The following KCNQ1 variants were observed in gnomAD, a reference collection of about 807,000 sequenced individuals.
KCNQ1 encodes the protein potassium voltage-gated channel subfamily KQT member 1.
Under a neutral mutation model 72.4 loss-of-function variants are expected in KCNQ1, and 49 were observed. The ratio of observed to expected loss-of-function variants is 0.68; its 90% confidence interval spans 0.54 to 0.86. The LOEUF is 0.86. KCNQ1 is among the 40% of genes least tolerant of loss of function. The pLI is 0.00. For missense variants in KCNQ1, 790 were observed against 945.1 expected, an observed-to-expected ratio of 0.84 and a Z score of 2.15; for synonymous variants, 450 against 412.6, an observed-to-expected ratio of 1.09 and a Z score of -1.10.
At chr11:2,504,145 C>T (rs1389957974) in intron 1 of KCNQ1, among the ~76,000 whole-genome samples, 1 of 152,064 alleles carries the variant, frequency 6.6e-6, no homozygotes, top group Non-Finnish European at 1.5e-5. Flanking sequence ...TACTAGTTAG[C>T]CATGAAAAAG....
At chr11:2,758,478 C>T (rs897827943) in intron 11 of KCNQ1, among the ~76,000 whole-genome samples, 1 of 152,114 alleles carries the variant, frequency 6.6e-6, no homozygotes, top group Non-Finnish European at 1.5e-5. Context: ...ATGCAGCACT[C>T]GGGGAAAATA....
Position 2,549,915 on chromosome 11 carries a change from G to A in KCNQ1, c.478-20713G>A, listed in dbSNP as rs1015796344. Among the ~76,000 whole-genome samples the A allele has an allele frequency of 4.6e-5, 7 of 152,084 alleles. No homozygotes were observed. Among genetic ancestry groups the A allele is most frequent in the African/African-American group, 1.4e-4 (6 of 41,406 alleles). On this transcript the variant is annotated intron_variant, in intron 2 of 15. Transcript: ENST00000155840. This position sits in a 1 kb window ranked among gnomAD's most constrained non-coding sequence, Gnocchi z 6.2. ...TGGGGGTTCCGGCTCCTTGCCCACC[G>A]CCCCCGCCACCCAGCGCGAGCCGCG...
chr11:2,795,158 G>A (rs115950318), intron 15 of KCNQ1, among the ~76,000 whole-genome samples: 3,953 of 152,310 alleles, frequency 0.026, 175 homozygotes, highest in African/African-American at 0.089. Context: ...CTTCCGCTGC[G>A]TCAGTCTCCG....
intron 1 of KCNQ1, among the ~76,000 whole-genome samples, chr11:2,517,984 A>G (rs1371956226): frequency 6.6e-6 from 1 of 152,242 alleles, no homozygotes; most frequent in Non-Finnish European, 1.5e-5. Context: ...TAAGGAGCCT[A>G]ACTCACTTCC....
Position 2,475,653 on chromosome 11 carries a change from C to T in KCNQ1, c.386+30169C>T, listed in dbSNP as rs993800912. ...GCTGTAACTTTCATGAAGACAGTGA[C>T]GTGGTTTGTCACTGCCCGGATCTCA... On this transcript the variant is annotated intron_variant, in intron 1 of 15. Coordinates refer to ENST00000155840, the MANE Select transcript of KCNQ1 (RefSeq NM_000218.3). The surrounding 1 kb of genome is among the most constrained non-coding windows in gnomAD (Gnocchi z 5.8). Among the ~76,000 whole-genome samples, 6 of 152,154 alleles carry T rather than the reference C, an allele frequency of 3.9e-5. No individual in the cohort carries two copies. Among genetic ancestry groups the T allele is most frequent in the Admixed American group, 6.5e-5 (1 of 15,278 alleles).
At position 2,608,161 on chromosome 11, in the gene KCNQ1, T is replaced by C. The variant is rs1236039447; in HGVS notation, c.1393+19307T>C. On this transcript the variant is annotated intron_variant, in intron 10 of 15. Coordinates refer to ENST00000155840, the MANE Select transcript of KCNQ1 (RefSeq NM_000218.3). This position sits in a 1 kb window ranked among gnomAD's most constrained non-coding sequence, Gnocchi z 4.6. The stretch of plus-strand genomic sequence containing the variant: ...TGTATTGGAAAAATTTTCCTTCTCT[T>C]CTATTTTTTTGTTGTTGGAAGAGGT... Among the ~76,000 whole-genome samples, 2 of 152,204 alleles carry C rather than the reference T, an allele frequency of 1.3e-5. No individual in the cohort carries two copies. The highest frequency in any genetic ancestry group is 4.8e-5 in the African/African-American group (2 of 41,442).
At chr11:2,467,695 C>A (rs966714546) in intron 1 of KCNQ1, among the ~76,000 whole-genome samples, 2 of 152,216 alleles carry the variant, frequency 1.3e-5, no homozygotes, top group African/African-American at 4.8e-5. Flanking sequence ...CTGCCCCCCA[C>A]GTCAATGCCT....
In KCNQ1 at chr11:2,848,246, C is replaced by T. The variant is rs1388860786; in HGVS notation, c.*243C>T. The T allele has an allele frequency of 1.5e-5, 10 of 649,434 alleles. No individual in the cohort carries two copies. Among genetic ancestry groups the T allele is most frequent in the South Asian group, 1.7e-5 (1 of 60,300 alleles). 40.2% of individuals were successfully genotyped at this position (649,434 alleles called of 1,614,324 possible). A position where few individuals can be genotyped will look rare whatever the true frequency, so the allele number is the denominator to read the frequency against. On this transcript the variant is annotated 3_prime_UTR_variant, in exon 16 of 16. Transcript: ENST00000155840. ...AGGTCTGAGTTGTTACCCCAAGCGCCCTGGCCCCCACATGGTGATGTTGAC... is the reference window on the plus strand; with the variant it reads ...AGGTCTGAGTTGTTACCCCAAGCGCTCTGGCCCCCACATGGTGATGTTGAC...
intron 11 of KCNQ1, chr11:2,667,467 T>C: frequency 2.5e-6 from 1 of 398,564 alleles, no homozygotes; most frequent in Non-Finnish European, 4.4e-6. Flanking sequence ...GCAGATGGTG[T>C]TGGAGGATGT....
intron 10 of KCNQ1, chr11:2,648,548 A>G (rs911888212): frequency 2.5e-6 from 1 of 398,512 alleles, no homozygotes; most frequent in Middle Eastern, 6.3e-4. Flanking sequence ...ATTCAGGAAC[A>G]TGTAGTTTGA....
rs759878927 is a variant in KCNQ1, at chr11:2,659,207, T to C, written c.1394-2754T>C. The C allele has an allele frequency of 2.5e-6, 1 of 398,636 alleles. No homozygotes were observed. Among genetic ancestry groups the C allele is most frequent in the African/African-American group, 2.1e-5 (1 of 48,748 alleles). 24.7% of individuals were successfully genotyped at this position (398,636 alleles called of 1,614,324 possible). A position where few individuals can be genotyped will look rare whatever the true frequency, so the allele number is the denominator to read the frequency against. ...GTCATGTGTCCACAATCCAGTATCA[T>C]TCACAGAAGTTCCATACCCCTAAAA... On this transcript the variant is annotated intron_variant, in intron 10 of 15. Coordinates refer to ENST00000155840, the MANE Select transcript of KCNQ1 (RefSeq NM_000218.3). The surrounding 1 kb of genome is among the most constrained non-coding windows in gnomAD (Gnocchi z 4.3).
intron 1 of KCNQ1, among the ~76,000 whole-genome samples, chr11:2,510,476 T>C (rs1393950415): frequency 6.6e-6 from 1 of 150,622 alleles, no homozygotes; most frequent in African/African-American, 2.4e-5. Flanking sequence ...GTGTGGTGGC[T>C]CACATCTGTA....
intron 10 of KCNQ1, chr11:2,609,227 A>G (rs1848934504): frequency 2.5e-6 from 1 of 398,090 alleles, no homozygotes; most frequent in South Asian, 1.3e-4. Flanking sequence ...TTGTATCTTC[A>G]TTTTCATTAA....
At chr11:2,461,762 G>A (rs781721731) in intron 1 of KCNQ1, 23 of 1,348,424 alleles carry the variant, frequency 1.7e-5, no homozygotes, top group Non-Finnish European at 2.3e-5. Context: ...GGATGGGCAG[G>A]TGGATGGGGG....
chr11:2,506,732 G>A (rs1207195744), intron 1 of KCNQ1, among the ~76,000 whole-genome samples: 3 of 152,190 alleles, frequency 2.0e-5, no homozygotes, highest in Non-Finnish European at 2.9e-5. Flanking sequence ...TGAGCATACC[G>A]GTTTTTTCTA....
chr11:2,673,684 T>C lies in KCNQ1; in HGVS notation c.1514+11603T>C. 1 of 398,624 alleles carries C rather than the reference T, an allele frequency of 2.5e-6. No individual in the cohort carries two copies. The highest frequency in any genetic ancestry group is 1.3e-4 in the South Asian group (1 of 7,856). 24.7% of individuals were successfully genotyped at this position (398,624 alleles called of 1,614,324 possible). On this transcript the variant is annotated intron_variant, in intron 11 of 15. Transcript: ENST00000155840. The surrounding 1 kb of genome is among the most constrained non-coding windows in gnomAD (Gnocchi z 4.5). ...GTCTGCATAGGTGTTTTCCTATAAATGTTTAATTCCTGAGGTTGCTGAATC... is the reference window on the plus strand; with the variant it reads ...GTCTGCATAGGTGTTTTCCTATAAACGTTTAATTCCTGAGGTTGCTGAATC...
At chr11:2,832,576 C>A (rs1350698256) in intron 15 of KCNQ1, among the ~76,000 whole-genome samples, 2 of 152,198 alleles carry the variant, frequency 1.3e-5, no homozygotes, top group East Asian at 3.8e-4. Flanking sequence ...TCAGGAGAGC[C>A]AGTGCAGGCA....
chr11:2,568,451 T>A (rs1420904832), intron 2 of KCNQ1, among the ~76,000 whole-genome samples: 1 of 152,186 alleles, frequency 6.6e-6, no homozygotes, highest in African/African-American at 2.4e-5. Context: ...ATGGGCACCC[T>A]GTCTCAGCTC....
chr11:2,744,976 C>G (rs1484959779), intron 11 of KCNQ1, among the ~76,000 whole-genome samples: 1 of 152,056 alleles, frequency 6.6e-6, no homozygotes, highest in Admixed American at 6.6e-5. Flanking sequence ...GATCGGGGCT[C>G]CCTCTTTGCA....
Sources: gnomAD v4.1 joint callset for allele counts (sites outside exome capture counted in the v4.1 genomes callset) on GRCh38, gnomAD v4.1.1 for gene constraint, Gnocchi (gnomAD v3.1) non-coding constraint, MANE v1.5 for transcripts, NCBI Gene and HGNC (gene_info 2026-07-23, HGNC 2026-07-21) for gene names.